ENTHD1: variants seen among roughly 807,000 people sequenced by gnomAD.
ENTHD1 encodes the protein ENTH domain-containing protein 1.
In ENTHD1, 23 loss-of-function variants were observed where a neutral mutation model predicts 39.1. The ratio of observed to expected loss-of-function variants is 0.59; its 90% confidence interval spans 0.42 to 0.83. The LOEUF (loss-of-function observed/expected upper bound fraction) is 0.83, where lower values mean the gene tolerates loss of function less well. ENTHD1 is among the 40% of genes least tolerant of loss of function. The pLI is 0.00. For synonymous variants in ENTHD1, 230 were observed against 258.2 expected, an observed-to-expected ratio of 0.89 and a Z score of 1.05; for missense variants, 624 against 705.4, an observed-to-expected ratio of 0.88 and a Z score of 1.31.
At chr22:39,814,285 C>T (rs1220619453) in intron 5 of ENTHD1, among the ~76,000 whole-genome samples, 2 of 126,656 alleles carry the variant, frequency 1.6e-5, no homozygotes, top group African/African-American at 6.3e-5. Flanking sequence ...ATGGCAAAAC[C>T]CCATCTCTAC....
chr22:39,845,147 G>C (rs545886047), intron 3 of ENTHD1, among the ~76,000 whole-genome samples: 2 of 150,934 alleles, frequency 1.3e-5, no homozygotes, highest in African/African-American at 4.9e-5. Context: ...GGCGGGAAGA[G>C]TCAAGAAATC....
At chr22:39,790,142 T>C (rs1173147982) in intron 5 of ENTHD1, among the ~76,000 whole-genome samples, 1 of 152,112 alleles carries the variant, frequency 6.6e-6, no homozygotes, top group Admixed American at 6.6e-5. Context: ...ATCAAAGATG[T>C]CCTTGTGTGA....
intron 5 of ENTHD1, among the ~76,000 whole-genome samples, chr22:39,791,411 G>T (rs1049203699): frequency 6.6e-6 from 1 of 151,034 alleles, no homozygotes; most frequent in Non-Finnish European, 1.5e-5. Context: ...ATTTTTTTGT[G>T]GGGGGAACAG....
intron 5 of ENTHD1, among the ~76,000 whole-genome samples, chr22:39,774,176 G>A (rs1289418914): frequency 6.6e-6 from 1 of 152,098 alleles, no homozygotes; most frequent in Non-Finnish European, 1.5e-5. Flanking sequence ...TGCCTCCAAC[G>A]AACTTTGCTG....
At chr22:39,790,733 G>T (rs1176825881) in intron 5 of ENTHD1, among the ~76,000 whole-genome samples, 1 of 152,202 alleles carries the variant, frequency 6.6e-6, no homozygotes, top group Admixed American at 6.5e-5. Flanking sequence ...CATGAGTTAG[G>T]CACTAGTTCT....
chr22:39,874,782 T>G (rs959532607), intron 2 of ENTHD1, among the ~76,000 whole-genome samples: 1 of 152,168 alleles, frequency 6.6e-6, no homozygotes, highest in Non-Finnish European at 1.5e-5. Flanking sequence ...ACTTAACAAC[T>G]TTTCAGGGAA....
At chr22:39,789,094 A>G (rs1047446643) in intron 5 of ENTHD1, among the ~76,000 whole-genome samples, 1 of 152,104 alleles carries the variant, frequency 6.6e-6, no homozygotes, top group Non-Finnish European at 1.5e-5. Context: ...TTGTGTATGT[A>G]TGCATCACAT....
intron 2 of ENTHD1, among the ~76,000 whole-genome samples, chr22:39,870,266 C>A (rs908247015): frequency 3.9e-5 from 6 of 151,952 alleles, no homozygotes; most frequent in African/African-American, 1.5e-4. Flanking sequence ...GCCTTGACCT[C>A]CCAAAGTGAT....
chr22:39,857,535 G>T (rs2066104023), intron 3 of ENTHD1, among the ~76,000 whole-genome samples: 2 of 151,420 alleles, frequency 1.3e-5, no homozygotes, highest in South Asian at 2.1e-4. Context: ...TCAGAGTTGG[G>T]TTACTTCTGT....
chr22:39,877,791 G>T (rs564322297), intron 2 of ENTHD1, among the ~76,000 whole-genome samples: 1 of 152,252 alleles, frequency 6.6e-6, no homozygotes, highest in South Asian at 2.1e-4. Context: ...ACCTGATGGG[G>T]TCTTAACAGA....
chr22:39,759,703 C>T (rs1395113201), intron 6 of ENTHD1, among the ~76,000 whole-genome samples: 1 of 151,964 alleles, frequency 6.6e-6, no homozygotes, highest in African/African-American at 2.4e-5. Flanking sequence ...CTCATATAAG[C>T]ATTTAAAGCT....
chr22:39,748,734 A>G (rs1402476557), intron 6 of ENTHD1, among the ~76,000 whole-genome samples: 1 of 152,092 alleles, frequency 6.6e-6, no homozygotes, highest in Non-Finnish European at 1.5e-5. Context: ...CCATGTTATC[A>G]TATATATTTA....
chr22:39,891,135 G>A (rs1755711765), intron 1 of ENTHD1, among the ~76,000 whole-genome samples: 1 of 152,172 alleles, frequency 6.6e-6, no homozygotes, highest in African/African-American at 2.4e-5. Flanking sequence ...GAAATAGAGG[G>A]AAGAAGTTAG....
intron 2 of ENTHD1, among the ~76,000 whole-genome samples, chr22:39,873,425 T>C (rs866032996): frequency 1.3e-5 from 2 of 152,206 alleles, no homozygotes; most frequent in African/African-American, 2.4e-5. Flanking sequence ...TTCACACTAG[T>C]ATTTCAGTGA....
chr22:39,834,035 C>T (rs1390357730), intron 4 of ENTHD1, among the ~76,000 whole-genome samples: 1 of 150,126 alleles, frequency 6.7e-6, no homozygotes, highest in East Asian at 2.0e-4. Context: ...CAGACCTAAA[C>T]GTAAAACATG....
At chr22:39,760,698 C>A (rs1005322487) in intron 6 of ENTHD1, among the ~76,000 whole-genome samples, 2 of 151,920 alleles carry the variant, frequency 1.3e-5, no homozygotes, top group Admixed American at 1.3e-4. Context: ...TCCCTCCTTT[C>A]TTCTTTTGTG....
intron 3 of ENTHD1, among the ~76,000 whole-genome samples, chr22:39,853,961 C>A (rs553858142): frequency 5.9e-5 from 9 of 152,332 alleles, no homozygotes; most frequent in Admixed American, 1.3e-4. Context: ...GATTCATGTG[C>A]TCCCTTCAGG....
intron 5 of ENTHD1, among the ~76,000 whole-genome samples, chr22:39,774,581 A>C (rs2065352640): frequency 6.6e-6 from 1 of 152,154 alleles, no homozygotes; most frequent in African/African-American, 2.4e-5. Flanking sequence ...TTACCCCCTC[A>C]GTCCACTCTA....
chr22:39,818,004 A>G (rs1432154280), intron 5 of ENTHD1, among the ~76,000 whole-genome samples: 1 of 152,226 alleles, frequency 6.6e-6, no homozygotes, highest in Non-Finnish European at 1.5e-5. Context: ...AGGGGGGTCT[A>G]TGTCCCCACC....
Sources: allele counts gnomAD v4.1 joint callset (sites outside exome capture counted in the v4.1 genomes callset), GRCh38; gene constraint gnomAD v4.1.1; transcripts MANE v1.5; gene names NCBI Gene and HGNC (gene_info 2026-07-23, HGNC 2026-07-21).